PHF24: variants seen among roughly 807,000 people sequenced by gnomAD.
The protein encoded by PHF24 is Galpha inhibitory interacting protein.
In PHF24, 25 loss-of-function variants were observed where a neutral mutation model predicts 42.6. The ratio of observed to expected loss-of-function variants is 0.59; its 90% CI spans 0.43 to 0.82. The LOEUF is 0.82. Among genes scored for constraint, PHF24 ranks in the 40% least tolerant of loss-of-function variants. The pLI is 0.00. For missense variants in PHF24, 470 were observed against 538.1 expected, an observed-to-expected ratio of 0.87 and a Z score of 1.25; for synonymous variants, 185 against 204.8, an observed-to-expected ratio of 0.90 and a Z score of 0.83.
At chr9:34,723,899 T>C in the PHF24 span, 3 of 1,551,484 alleles carry the variant, frequency 1.9e-6, no homozygotes, top group Non-Finnish European at 2.6e-6. Flanking sequence ...AGGGTGATGC[T>C]GGGGGCTGTG....
chr9:34,749,031 G>T, the PHF24 span, among the ~76,000 whole-genome samples: 1 of 152,066 alleles, frequency 6.6e-6, no homozygotes, highest in African/African-American at 2.4e-5. Context: ...AAAGAATCAA[G>T]TAGACATTCT....
chr9:34,690,494 A>T, the PHF24 span: 3 of 715,386 alleles, frequency 4.2e-6, no homozygotes, highest in Non-Finnish European at 7.0e-6. Context: ...GAGGAGTTAG[A>T]CCTGGTATTC....
the PHF24 span, among the ~76,000 whole-genome samples, chr9:34,708,135 G>T: frequency 6.6e-6 from 1 of 152,118 alleles, no homozygotes; most frequent in Non-Finnish European, 1.5e-5. Context: ...GAGGTGATTT[G>T]GGGAATAGAA....
At chr9:34,781,572 A>G in the PHF24 span, among the ~76,000 whole-genome samples, 1 of 152,240 alleles carries the variant, frequency 6.6e-6, no homozygotes, top group Non-Finnish European at 1.5e-5. Context: ...ACCGAATTAT[A>G]CATTTAAAAA....
At chr9:34,702,367 T>C in the PHF24 span, among the ~76,000 whole-genome samples, 1 of 152,158 alleles carries the variant, frequency 6.6e-6, no homozygotes, top group African/African-American at 2.4e-5. Context: ...CAGGGGATAC[T>C]CCGAGCAGAA....
chr9:34,760,702 G>T, the PHF24 span, among the ~76,000 whole-genome samples: 1 of 152,224 alleles, frequency 6.6e-6, no homozygotes, highest in Admixed American at 6.5e-5. Context: ...GCCCCGCCAG[G>T]GGTCCTGGGC....
the PHF24 span, chr9:34,893,177 T>C: frequency 2.0e-6 from 1 of 502,086 alleles, no homozygotes. Flanking sequence ...ATGACAAACA[T>C]TAATGATGGA....
the PHF24 span, among the ~76,000 whole-genome samples, chr9:34,873,039 T>G: frequency 1.3e-5 from 2 of 149,886 alleles, no homozygotes; most frequent in Non-Finnish European, 3.0e-5. Context: ...TTGCCCACTT[T>G]TTGATGGGGT....
chr9:34,708,868 C>T, the PHF24 span: 1 of 159,572 alleles, frequency 6.3e-6, no homozygotes, highest in South Asian at 1.9e-4. Context: ...GGGGTGCAGG[C>T]ACCTGAGAGG....
chr9:34,757,053 C>T, the PHF24 span, among the ~76,000 whole-genome samples: 8 of 151,990 alleles, frequency 5.3e-5, no homozygotes, highest in Non-Finnish European at 8.8e-5. Context: ...TACAGGCACC[C>T]GCCACCACAC....
At chr9:34,977,576 C>T (rs1332359921) in exon 7 of PHF24, 12 of 1,609,602 alleles carry the variant, frequency 7.5e-6, no homozygotes, top group Non-Finnish European at 1.0e-5. Context: ...TCGCAGATAG[C>T]AGCCCAGCCA....
At chr9:34,764,400 G>T in the PHF24 span, among the ~76,000 whole-genome samples, 1 of 152,250 alleles carries the variant, frequency 6.6e-6, no homozygotes, top group Non-Finnish European at 1.5e-5. Context: ...TATTCAGAGA[G>T]TCAACTTCTT....
At chr9:34,684,783 CA>C in the PHF24 span, among the ~76,000 whole-genome samples, 8 of 152,116 alleles carry the variant, frequency 5.3e-5, no homozygotes, top group East Asian at 1.5e-3. Context: ...ATTCTGAGAT[CA>C]AAAGCCCTAG....
At chr9:34,745,933 T>C in the PHF24 span, among the ~76,000 whole-genome samples, 2 of 152,046 alleles carry the variant, frequency 1.3e-5, no homozygotes, top group Non-Finnish European at 2.9e-5. Flanking sequence ...CAAAAATTAC[T>C]TTAAAAACTT....
chr9:34,970,708 G>A (rs1826942425), intron 1 of PHF24, among the ~76,000 whole-genome samples: 1 of 152,196 alleles, frequency 6.6e-6, no homozygotes, highest in African/African-American at 2.4e-5. Context: ...CAGGGTAGAG[G>A]AGAAATTTGG....
chr9:34,686,416 TGGTG>T, the PHF24 span, among the ~76,000 whole-genome samples: 1 of 152,160 alleles, frequency 6.6e-6, no homozygotes, highest in Non-Finnish European at 1.5e-5. Context: ...GATGTGCTCC[TGGTG>T]GGGGGCGGGG....
At chr9:34,755,791 G>T in the PHF24 span, among the ~76,000 whole-genome samples, 2 of 152,054 alleles carry the variant, frequency 1.3e-5, no homozygotes, top group South Asian at 2.1e-4. Context: ...GGGATTGCAG[G>T]TGTGTGCCAT....
chr9:34,874,400 A>G, the PHF24 span, among the ~76,000 whole-genome samples: 17 of 152,202 alleles, frequency 1.1e-4, no homozygotes, highest in African/African-American at 4.1e-4. Context: ...GTATCTCAAA[A>G]TAACAAGGGA....
chr9:34,973,435 T>C (rs1023496638), intron 3 of PHF24, among the ~76,000 whole-genome samples: 1 of 152,212 alleles, frequency 6.6e-6, no homozygotes, highest in African/African-American at 2.4e-5. Flanking sequence ...TATAAATGCC[T>C]TCTAACTTTT....
Sources: allele counts gnomAD v4.1 joint callset (sites outside exome capture counted in the v4.1 genomes callset), GRCh38; gene constraint gnomAD v4.1.1; transcripts MANE v1.5; gene names NCBI Gene and HGNC (gene_info 2026-07-23, HGNC 2026-07-21).